FAT4: variants seen among roughly 807,000 people sequenced by gnomAD.
FAT4 encodes protocadherin Fat 4.
In FAT4, 84 loss-of-function variants were observed where a neutral mutation model predicts 303.9. The ratio of observed to expected loss-of-function variants is 0.28; its 90% CI spans 0.23 to 0.33. The LOEUF is 0.33. FAT4 is among the 10% of genes least tolerant of loss of function. The pLI is 1.00. For missense variants in FAT4, 6,005 were observed against 6,146.8 expected, an observed-to-expected ratio of 0.98 and a Z score of 0.77; for synonymous variants, 2,307 against 2,298.8, an observed-to-expected ratio of 1.00 and a Z score of -0.10.
At chr4:125,362,127 G>C (rs548191055) in intron 2 of FAT4, among the ~76,000 whole-genome samples, 1 of 152,048 alleles carries the variant, frequency 6.6e-6, no homozygotes, top group African/African-American at 2.4e-5. Context: ...GATTCATGAT[G>C]TGCTGATAAT....
intron 5 of FAT4, among the ~76,000 whole-genome samples, chr4:125,412,641 CT>C (rs1734889779): frequency 1.3e-5 from 2 of 151,746 alleles, no homozygotes; most frequent in African/African-American, 4.8e-5. Context: ...CTTTTTGCCT[CT>C]GCAATTTAGC....
In FAT4 at chr4:125,463,895, A is replaced by G. The variant is rs115142900; in HGVS notation, c.11905+228A>G. Among the ~76,000 whole-genome samples, 3,784 of 152,208 alleles carry G rather than the reference A, an allele frequency of 0.025. 160 individuals carry two copies. The highest frequency in any genetic ancestry group is 0.088 in the African/African-American group (3,636 of 41,550). ...AGAGTCAACTCAAGATAATTGAATT[A>G]ATATTGTTTCCATAGGATATTTCCC... On this transcript the variant is annotated intron_variant, in intron 11 of 17. Transcript: ENST00000394329.
At chr4:125,464,952 C>T (rs1354709) in intron 11 of FAT4, among the ~76,000 whole-genome samples, 151,306 of 152,342 alleles carry the variant, frequency 0.99, 75,145 homozygotes, top group Middle Eastern at 1. Flanking sequence ...AAAAGACATA[C>T]GCAGTTCCTA....
At position 125,452,026 on chromosome 4, in the gene FAT4, C is replaced by T; in HGVS notation, c.11016C>T (p.Ser3672=). 6.2e-7 allele frequency: 1 copy of T among 1,614,102 alleles called. No individual in the cohort carries two copies. The change falls in exon 10 of 18, where the codon TCC becomes TCT. Residue 3672 remains serine, a synonymous_variant. Coordinates refer to ENST00000394329, the MANE Select transcript of FAT4 (RefSeq NM_001291303.3). ...CAGGGGGTACTTGTGATCTGAATTC[C>T]CAGCCAAGGTCCACAGATGGCACGT... ...SIPGGTCDLN[S]QPRSTDGTFD... is the part of the protein sequence containing the mutation.
intron 8 of FAT4, among the ~76,000 whole-genome samples, chr4:125,440,275 T>C (rs1301142182): frequency 6.6e-6 from 1 of 152,120 alleles, no homozygotes; most frequent in Non-Finnish European, 1.5e-5. Context: ...CATTTATTCC[T>C]GAAAATCTTT....
chr4:125,371,870 C>T (rs191644941), intron 2 of FAT4, among the ~76,000 whole-genome samples: 15 of 152,020 alleles, frequency 9.9e-5, no homozygotes, highest in Admixed American at 3.9e-4. Flanking sequence ...CTTCCTGTGA[C>T]GGGGGCATCA....
chr4:125,480,586 T>A (rs1727192108), intron 15 of FAT4, among the ~76,000 whole-genome samples: 1 of 152,134 alleles, frequency 6.6e-6, no homozygotes, highest in African/African-American at 2.4e-5. Flanking sequence ...AAGGAGTCAT[T>A]TGATTAAATT....
chr4:125,477,291 C>T lies in FAT4; in HGVS notation c.12436C>T (p.Leu4146=), dbSNP rs1727062368. The change falls in exon 14 of 18, where the codon CTG becomes TTG. Residue 4146 remains leucine (L), a synonymous_variant. Coordinates refer to ENST00000394329, the MANE Select transcript of FAT4 (RefSeq NM_001291303.3). ...IMEFAVNGRP[L]EPSQALAAQG... The stretch of plus-strand genomic sequence containing the variant: ...GGAGTTTGCAGTCAATGGAAGGCCT[C>T]TGGAACCCAGCCAAGCTTTGGCAGC... 1 of 1,585,926 alleles carries T rather than the reference C, an allele frequency of 6.3e-7. No individual in the cohort carries two copies. The highest frequency in any genetic ancestry group is 8.6e-7 in the Non-Finnish European group (1 of 1,165,616).
intron 2 of FAT4, among the ~76,000 whole-genome samples, chr4:125,365,159 T>C (rs9307561): frequency 0.58 from 88,808 of 152,034 alleles, 25,930 homozygotes; most frequent in Admixed American, 0.66. Context: ...AGTTAGGGAA[T>C]ACCGGATGAG....
rs753819396 is a variant in FAT4, at chr4:125,448,812, T to G, written c.7802T>G (p.Met2601Arg). Reference protein sequence around the residue: ...ITGSSLRGEPMSYYIASGNLG... With the variant: ...ITGSSLRGEPRSYYIASGNLG... ...GGATCCTCTTTAAGAGGAGAACCTA[T>G]GTCATATTATATCGCAAGTGGGAAT... is the stretch of plus-strand genomic sequence containing the variant. The change falls in exon 10 of 18, where the codon ATG becomes AGG. Residue 2601 changes from methionine (M) to arginine (R), a missense_variant. By Grantham distance (91) the Met-to-Arg change is moderately conservative. Coordinates refer to ENST00000394329, the MANE Select transcript of FAT4 (RefSeq NM_001291303.3). The G allele has an allele frequency of 3.1e-6, 5 of 1,609,494 alleles. No individual in the cohort carries two copies. Among genetic ancestry groups the G allele is most frequent in the Non-Finnish European group, 3.4e-6 (4 of 1,179,866 alleles).
chr4:125,386,800 A>G (rs1733767254), intron 2 of FAT4, among the ~76,000 whole-genome samples: 2 of 152,184 alleles, frequency 1.3e-5, no homozygotes, highest in Admixed American at 6.5e-5. Flanking sequence ...CTTTAATTTT[A>G]TAGTTTAAGA....
chr4:125,381,428 GT>G (rs1259176103), intron 2 of FAT4, among the ~76,000 whole-genome samples: 6 of 149,798 alleles, frequency 4.0e-5, no homozygotes, highest in Non-Finnish European at 8.9e-5. Context: ...AAGTCATACA[GT>G]TTTTTTGGTG....
At position 125,478,402 on chromosome 4, in the gene FAT4, T is replaced by G. The variant is rs934855606; in HGVS notation, c.12479+1068T>G. On this transcript the variant is annotated intron_variant, in intron 14 of 17. Coordinates refer to ENST00000394329, the MANE Select transcript of FAT4 (RefSeq NM_001291303.3). ...CACAAGTACTTTTTTAAATATCAAT[T>G]TTTTTTTTCATTTAGAGATATTTTG... Among the ~76,000 whole-genome samples the G allele has an allele frequency of 1.3e-4, 20 of 151,410 alleles. 1 individual carries two copies. Among genetic ancestry groups the G allele is most frequent in the Middle Eastern group, 3.4e-3 (1 of 294 alleles).
chr4:125,329,676 A>T (rs1731300446), intron 2 of FAT4, among the ~76,000 whole-genome samples: 2 of 152,208 alleles, frequency 1.3e-5, no homozygotes, highest in African/African-American at 2.4e-5. Flanking sequence ...CTACATTCGT[A>T]TAACCAATCA....
chr4:125,463,460 C>T (rs1427895740), intron 10 of FAT4, 103 bp from the exon 11 acceptor site: 4 of 528,852 alleles, frequency 7.6e-6, no homozygotes, highest in Non-Finnish European at 9.6e-6. Flanking sequence ...TTTCTTTTCT[C>T]CGTGATATGC....
Position 125,461,665 on chromosome 4 carries a change from A to G in FAT4, c.11801-1898A>G, listed in dbSNP as rs574615466. Among the ~76,000 whole-genome samples the G allele has an allele frequency of 4.6e-5, 7 of 152,170 alleles. No homozygotes were observed. In the East Asian group the frequency reaches 1.4e-3, roughly 29 times the overall value. ...AATGAAAGAAAGTAAAACTGTACCT[A>G]GTCAAAAAGCACAAGTGAAAATTAT... On this transcript the variant is annotated intron_variant, in intron 10 of 17. Transcript: ENST00000394329.
intron 17 of FAT4, among the ~76,000 whole-genome samples, chr4:125,489,236 C>G (rs2126095214): frequency 6.6e-6 from 1 of 152,318 alleles, no homozygotes; most frequent in South Asian, 2.1e-4. Context: ...TTAACACACT[C>G]AAGTGTAATG....
intron 2 of FAT4, among the ~76,000 whole-genome samples, chr4:125,386,383 T>C (rs1733749588): frequency 6.6e-6 from 1 of 152,174 alleles, no homozygotes; most frequent in African/African-American, 2.4e-5. Flanking sequence ...GTTCAAGTGA[T>C]TCTCCTGCCT....
intron 2 of FAT4, among the ~76,000 whole-genome samples, chr4:125,365,875 A>G (rs1732860084): frequency 6.6e-6 from 1 of 152,174 alleles, no homozygotes; most frequent in South Asian, 2.1e-4. Flanking sequence ...CCCCGGGGCC[A>G]CTGACCAGTA....
Sources: allele counts gnomAD v4.1 joint callset (sites outside exome capture counted in the v4.1 genomes callset), GRCh38; gene constraint gnomAD v4.1.1; transcripts MANE v1.5; gene names NCBI Gene and HGNC (gene_info 2026-07-23, HGNC 2026-07-21).